Variants in DEPDC5 observed in about 807,000 individuals in gnomAD.
DEPDC5 encodes the protein DEP domain containing 5, GATOR1 subcomplex subunit.
A neutral mutation model predicts 217.3 loss-of-function variants in DEPDC5; 73 were observed. The observed-to-expected ratio is 0.34, with a 90% CI of 0.28 to 0.41. The LOEUF (loss-of-function observed/expected upper bound fraction) is 0.41. Among genes scored for constraint, DEPDC5 ranks in the 10% least tolerant of loss-of-function variants. The pLI, the probability that DEPDC5 is intolerant of heterozygous loss-of-function variation, is 1.00. For synonymous variants in DEPDC5, 733 were observed against 756.7 expected, an observed-to-expected ratio of 0.97 and a Z score of 0.51; for missense variants, 1,675 against 2,070.1, an observed-to-expected ratio of 0.81 and a Z score of 3.70.
At chr22:31,891,782 G>A (rs2093443210) in intron 38 of DEPDC5, among the ~76,000 whole-genome samples, 1 of 152,292 alleles carries the variant, frequency 6.6e-6, no homozygotes, top group East Asian at 1.9e-4. Context: ...CCTCAGGGAG[G>A]CAAAAAACAA....
At chr22:31,774,407 C>G (rs1433439542) in intron 7 of DEPDC5, among the ~76,000 whole-genome samples, 1 of 151,444 alleles carries the variant, frequency 6.6e-6, no homozygotes, top group African/African-American at 2.4e-5. Context: ...CCATGTTTTT[C>G]AGGCTGGTCT....
At chr22:31,859,079 GTTTTTTTTTTTTTTTTTT>G (rs136864) in intron 32 of DEPDC5, 1 of 67,008 alleles carries the variant, frequency 1.5e-5, no homozygotes, top group East Asian at 5.2e-4. Context: ...CCATTCCTTT[GTTTTTTTTTTTTTTTTTT>G]TTTTTTTTTT....
rs1251391000 is a variant in DEPDC5 at position 31,873,348 on chromosome 22, C to T, written c.3563+16C>T. The T allele has an allele frequency of 5.0e-6, 8 of 1,613,046 alleles. No individual in the cohort carries two copies. The South Asian group carries it at 7.7e-5, about 16-fold the overall frequency. ...AGCACCCCTCGTAAGTGGCTCACCA[C>T]AGTGTAGGGTTGGAAGGTTCCCAGA... On this transcript the variant is annotated intron_variant, in intron 35 of 42. Transcript: ENST00000651528.
rs375173943 is a variant in DEPDC5, at chr22:31,758,614, C to T, written c.127C>T (p.His43Tyr). ...IKLGDIVEIA[H>Y]PNDEYSPLLL... ...GCTTGGAGACATTGTAGAGATTGCA[C>T]ACCCCAACGATGAATACAGGTGAGT... is the stretch of plus-strand genomic sequence containing the variant. Residue 43 changes from histidine to tyrosine, a missense_variant, in exon 3 of 43, where the codon CAC (histidine) becomes TAC (tyrosine). Physicochemically the swap from His to Tyr is moderately conservative, Grantham distance 83. Transcript: ENST00000651528. 6.2e-7 allele frequency: 1 copy of T among 1,614,108 alleles called. No homozygotes were observed. The highest frequency in any genetic ancestry group is 8.5e-7 in the Non-Finnish European group (1 of 1,180,004).
At chr22:31,788,362 C>T (rs1387553183) in intron 10 of DEPDC5, among the ~76,000 whole-genome samples, 3 of 144,048 alleles carry the variant, frequency 2.1e-5, no homozygotes, top group Middle Eastern at 3.4e-3. Flanking sequence ...CAGCCTTGAT[C>T]GCCTGGGCTC....
intron 22 of DEPDC5, among the ~76,000 whole-genome samples, chr22:31,820,725 C>T (rs2089611753): frequency 6.6e-6 from 1 of 152,156 alleles, no homozygotes; most frequent in South Asian, 2.1e-4. Flanking sequence ...TGCTTCTCCT[C>T]CTCCCACTCT....
Position 31,843,722 on chromosome 22 carries a change from G to A in DEPDC5, c.2711G>A (p.Cys904Tyr). ...PSHSDSEFVS[C>Y]WVEFSHERLE... ...CACTCAGACTCAGAGTTCGTCTCCT[G>A]CTGGGTGGAATTCTCCCACGAACGG... The change falls in exon 29 of 43, where the codon TGC becomes TAC. Residue 904 changes from cysteine (C) to tyrosine (Y), a missense_variant. Around this residue, in one of 11 missense-constraint regions of DEPDC5, gnomAD observed 293 missense variants for 386.1 expected, o/e 0.76. Coordinates refer to ENST00000651528, the MANE Select transcript of DEPDC5 (RefSeq NM_001242896.3). 1.9e-6 allele frequency: 3 copies of A among 1,613,988 alleles called. No homozygotes were observed. Among genetic ancestry groups the A allele is most frequent in the African/African-American group, 1.3e-5 (1 of 75,012 alleles).
intron 21 of DEPDC5, chr22:31,816,107 C>T (rs1156548742): frequency 2.6e-6 from 2 of 758,616 alleles, no homozygotes; most frequent in African/African-American, 3.8e-5. Flanking sequence ...TGAGACCAGC[C>T]TGGTCAACAT....
intron 26 of DEPDC5, among the ~76,000 whole-genome samples, chr22:31,838,091 C>A (rs1043733792): frequency 6.6e-6 from 1 of 152,122 alleles, no homozygotes; most frequent in African/African-American, 2.4e-5. Context: ...TTATTTTTAA[C>A]TCCAGTTGGT....
chr22:31,797,228 A>C (rs2086342305), intron 12 of DEPDC5, among the ~76,000 whole-genome samples: 1 of 152,128 alleles, frequency 6.6e-6, no homozygotes, highest in Non-Finnish European at 1.5e-5. Flanking sequence ...CTGTAAAGAC[A>C]TACCCAAGAC....
At chr22:31,874,503 C>A in intron 36 of DEPDC5, 98 bp downstream of exon 36, 1 of 1,427,360 alleles carries the variant, frequency 7.0e-7, no homozygotes, top group Non-Finnish European at 9.2e-7. Context: ...ATGAGATCTG[C>A]AGGTTGGGGT....
intron 38 of DEPDC5, among the ~76,000 whole-genome samples, chr22:31,887,732 T>C (rs772107438): frequency 6.6e-6 from 1 of 152,198 alleles, no homozygotes; most frequent in Non-Finnish European, 1.5e-5. Context: ...AAACCTGATA[T>C]GGCCATATAC....
In DEPDC5 at chr22:31,906,682, C is replaced by T. The variant is rs769053584; in HGVS notation, c.*185C>T. ...TTTGGCCCCCACGACAAGTCTTCTACTCTAGAAGAAAGACTTTGGAAGCAG... is the reference window on the plus strand; with the variant it reads ...TTTGGCCCCCACGACAAGTCTTCTATTCTAGAAGAAAGACTTTGGAAGCAG... On this transcript the variant is annotated 3_prime_UTR_variant, in exon 43 of 43. Transcript: ENST00000651528. The surrounding 1 kb of genome is among the most constrained non-coding windows in gnomAD (Gnocchi z 5.1). 2 of 761,252 alleles carry T rather than the reference C, an allele frequency of 2.6e-6. No individual in the cohort carries two copies. The highest frequency in any genetic ancestry group is 4.1e-6 in the Non-Finnish European group (2 of 482,936). 47.2% of individuals were successfully genotyped at this position (761,252 alleles called of 1,614,324 possible).
In DEPDC5 at chr22:31,758,531, T is replaced by A; in HGVS notation, c.59-15T>A. 6.2e-7 allele frequency: 1 copy of A among 1,613,168 alleles called. No homozygotes were observed. The highest frequency in any genetic ancestry group is 8.5e-7 in the Non-Finnish European group (1 of 1,179,110). ...TGAGTGTTTTTCTACTTGAAGTGGC[T>A]GAATTGTCTTTCAGATGATGAGCTA... On this transcript the variant is annotated splice_polypyrimidine_tract_variant and intron_variant, in intron 2 of 42. Coordinates refer to ENST00000651528, the MANE Select transcript of DEPDC5 (RefSeq NM_001242896.3).
intron 10 of DEPDC5, among the ~76,000 whole-genome samples, chr22:31,791,482 C>T (rs1162960980): frequency 6.6e-6 from 1 of 151,224 alleles, no homozygotes; most frequent in Non-Finnish European, 1.5e-5. Context: ...ACTAAAAATA[C>T]AAAAATTACC....
intron 33 of DEPDC5, among the ~76,000 whole-genome samples, chr22:31,865,087 A>G (rs1227314927): frequency 6.6e-6 from 1 of 152,064 alleles, no homozygotes; most frequent in Non-Finnish European, 1.5e-5. Flanking sequence ...CGGCCTCCCA[A>G]AGTGCTGGGA....
At position 31,834,243 on chromosome 22, in the gene DEPDC5, C is replaced by T. The variant is rs568070912; in HGVS notation, c.2170+263C>T. On this transcript the variant is annotated intron_variant, in intron 25 of 42. Transcript: ENST00000651528. ...GCAGATTCCCTATAAGGCCCCCATG[C>T]TGGTCCAGAGCTGGCCTTCACCCTT... The T allele has an allele frequency of 6.3e-4, 301 of 478,418 alleles. 1 individual carries two copies. Among genetic ancestry groups the T allele is most frequent in the South Asian group, 2.8e-3 (109 of 38,802 alleles). The allele number at this position is 478,418 out of a possible 1,614,324, so 29.6% of individuals were successfully genotyped here.
intron 24 of DEPDC5, among the ~76,000 whole-genome samples, chr22:31,831,401 C>A (rs1049682692): frequency 2.0e-4 from 30 of 152,236 alleles, no homozygotes; most frequent in African/African-American, 6.5e-4. Context: ...CCAAGCAGTT[C>A]CAAAAGAAAA....
intron 21 of DEPDC5, chr22:31,816,603 T>G (rs2089157098): frequency 6.6e-6 from 1 of 151,780 alleles, no homozygotes. Flanking sequence ...CTAATTTTTG[T>G]TTTTTTAGTA....
Sources: gnomAD v4.1 joint callset for allele counts (sites outside exome capture counted in the v4.1 genomes callset) on GRCh38, gnomAD v4.1.1 for gene constraint, gnomAD v4.1.1 regional missense constraint, Gnocchi (gnomAD v3.1) non-coding constraint, MANE v1.5 for transcripts, NCBI Gene and HGNC (gene_info 2026-07-23, HGNC 2026-07-21) for gene names.